Variants in NRG3 observed in about 807,000 individuals in gnomAD.
NRG3 encodes neuregulin 3.
NRG3 carries 31 observed loss-of-function variants against 66.9 expected under a neutral mutation model. The observed-to-expected ratio is 0.46, with a 90% CI of 0.35 to 0.63. NRG3 has a LOEUF of 0.63. Ranked by LOEUF, NRG3 falls within the 20% of genes least tolerant of loss-of-function variation. The pLI, the probability that NRG3 is intolerant of heterozygous loss-of-function variation, is 0.00. For missense variants in NRG3, 910 were observed against 878.9 expected, an observed-to-expected ratio of 1.04 and a Z score of -0.45; for synonymous variants, 393 against 359.4, an observed-to-expected ratio of 1.09 and a Z score of -1.06.
chr10:82,284,876 A>T (rs1953621), intron 1 of NRG3, among the ~76,000 whole-genome samples: 70,909 of 151,942 alleles, frequency 0.47, 20,295 homozygotes, highest in African/African-American at 0.81. Context: ...TTCCCATTCC[A>T]ATACTGTATG....
intron 2 of NRG3, among the ~76,000 whole-genome samples, chr10:82,471,910 T>G: frequency 6.6e-6 from 1 of 151,084 alleles, no homozygotes; most frequent in African/African-American, 2.4e-5. Flanking sequence ...AAAATCAAGG[T>G]TTGTATATTT....
chr10:82,561,205 T>C (rs2045019556), intron 2 of NRG3, among the ~76,000 whole-genome samples: 1 of 152,198 alleles, frequency 6.6e-6, no homozygotes, highest in African/African-American at 2.4e-5. Context: ...TAATGCCTCT[T>C]GGGGGAGGAA....
chr10:82,426,230 T>A (rs2089430921), intron 2 of NRG3, among the ~76,000 whole-genome samples: 1 of 152,070 alleles, frequency 6.6e-6, no homozygotes, highest in African/African-American at 2.4e-5. Context: ...GTGGGACTCC[T>A]GAAGGTAAAA....
At chr10:82,412,001 CAAG>C (rs2088129219) in intron 2 of NRG3, among the ~76,000 whole-genome samples, 3 of 151,928 alleles carry the variant, frequency 2.0e-5, no homozygotes, top group South Asian at 4.2e-4. Flanking sequence ...CAAGCAAAGT[CAAG>C]AAGAAGAATG....
At chr10:82,301,639 A>G (rs1311224741) in intron 1 of NRG3, among the ~76,000 whole-genome samples, 1 of 148,414 alleles carries the variant, frequency 6.7e-6, no homozygotes, top group Non-Finnish European at 1.5e-5. Context: ...TGATTTATAC[A>G]TTCAGTTTCC....
intron 3 of NRG3, among the ~76,000 whole-genome samples, chr10:82,765,217 T>C (rs758608017): frequency 6.6e-5 from 10 of 152,128 alleles, no homozygotes; most frequent in Non-Finnish European, 1.5e-4. Flanking sequence ...CATTATTTAA[T>C]ATTGGGCTAG....
intron 1 of NRG3, among the ~76,000 whole-genome samples, chr10:82,322,632 G>A (rs987694607): frequency 6.6e-6 from 1 of 151,502 alleles, no homozygotes; most frequent in African/African-American, 2.4e-5. Context: ...CCAGCTCTTT[G>A]TGACTTTACA....
intron 2 of NRG3, among the ~76,000 whole-genome samples, chr10:82,647,404 T>C (rs992389172): frequency 4.6e-5 from 7 of 152,206 alleles, no homozygotes; most frequent in Admixed American, 3.9e-4. Flanking sequence ...CAGTCTATCA[T>C]TGTTGGACAT....
At chr10:82,141,884 C>T (rs2069811984) in intron 1 of NRG3, among the ~76,000 whole-genome samples, 1 of 152,152 alleles carries the variant, frequency 6.6e-6, no homozygotes, top group African/African-American at 2.4e-5. Flanking sequence ...TTCACCTGTC[C>T]TTTACCTCCT....
At chr10:81,948,859 TG>T (rs1439950667) in intron 1 of NRG3, among the ~76,000 whole-genome samples, 2 of 152,142 alleles carry the variant, frequency 1.3e-5, no homozygotes, top group Non-Finnish European at 1.5e-5. Flanking sequence ...ACTCATAGAA[TG>T]TGCTGAATGC....
At chr10:82,019,045 C>T (rs1307931033) in intron 1 of NRG3, among the ~76,000 whole-genome samples, 1 of 152,060 alleles carries the variant, frequency 6.6e-6, no homozygotes, top group Admixed American at 6.5e-5. Context: ...CAGTTTTTGC[C>T]CATTGAGGAT....
chr10:82,057,250 A>G (rs1481506396), intron 1 of NRG3, among the ~76,000 whole-genome samples: 2 of 151,998 alleles, frequency 1.3e-5, no homozygotes, highest in Non-Finnish European at 2.9e-5. Flanking sequence ...TCATTTCTAT[A>G]GAGTTATTTG....
At position 82,973,960 on chromosome 10, in the gene NRG3, G is replaced by C. The variant is rs763791800; in HGVS notation, c.1412+45G>C. ...GTGGGTGTGGGCACCTTCACACTGT[G>C]TGTATGCTGGGTGGCACATGCCAAG... On this transcript the variant is annotated intron_variant, in intron 7 of 8. Coordinates refer to ENST00000372141, the MANE Select transcript of NRG3 (RefSeq NM_001010848.4). 4.4e-6 allele frequency: 7 copies of C among 1,608,838 alleles called. No individual in the cohort carries two copies. The East Asian group carries it at 1.6e-4, about 36-fold the overall frequency.
At chr10:82,834,986 A>G (rs1354367226) in intron 3 of NRG3, among the ~76,000 whole-genome samples, 33 of 152,188 alleles carry the variant, frequency 2.2e-4, no homozygotes, top group Admixed American at 2.1e-3. Flanking sequence ...AAAAATTTCT[A>G]TCTGTTATGT....
chr10:82,028,744 G>A (rs2062429153), intron 1 of NRG3, among the ~76,000 whole-genome samples: 1 of 152,024 alleles, frequency 6.6e-6, no homozygotes, highest in Non-Finnish European at 1.5e-5. Context: ...GGAAAAGGAT[G>A]CCTCAGTTCC....
chr10:82,412,538 G>A (rs1367046386), intron 2 of NRG3, among the ~76,000 whole-genome samples: 1 of 152,158 alleles, frequency 6.6e-6, no homozygotes, highest in African/African-American at 2.4e-5. Flanking sequence ...GTTGATGGCT[G>A]CTGACTGATC....
At chr10:82,285,977 G>A (rs942310969) in intron 1 of NRG3, among the ~76,000 whole-genome samples, 1 of 152,180 alleles carries the variant, frequency 6.6e-6, no homozygotes, top group Non-Finnish European at 1.5e-5. Context: ...AATAACTGTT[G>A]ATTCTTTGGT....
rs1480500311 is a variant in NRG3 at position 82,603,410 on chromosome 10, G to C, written c.954-135167G>C. 2.0e-5 allele frequency among the ~76,000 whole-genome samples: 3 copies of C among 152,238 alleles called. No homozygotes were observed. The East Asian group carries it at 5.8e-4, about 29-fold the overall frequency. ...ACTCCTCATTTGTATAGTCACAAAG[G>C]CAAGAGTCTCAAAACTGGTCATCTT... is the stretch of plus-strand genomic sequence containing the variant. On this transcript the variant is annotated intron_variant, in intron 2 of 8. Coordinates refer to ENST00000372141, the MANE Select transcript of NRG3 (RefSeq NM_001010848.4).
At chr10:81,974,699 T>G (rs1218662755) in intron 1 of NRG3, among the ~76,000 whole-genome samples, 1 of 152,118 alleles carries the variant, frequency 6.6e-6, no homozygotes, top group East Asian at 1.9e-4. Flanking sequence ...AGAGTGGAGT[T>G]TTTGGCCCTC....
Sources: allele counts gnomAD v4.1 joint callset (sites outside exome capture counted in the v4.1 genomes callset), GRCh38; gene constraint gnomAD v4.1.1; transcripts MANE v1.5; gene names NCBI Gene and HGNC (gene_info 2026-07-23, HGNC 2026-07-21).